Variants in TASP1 observed in about 807,000 individuals in gnomAD.
TASP1 encodes the protein threonine aspartase 1.
In TASP1, 16 loss-of-function variants were observed where a neutral mutation model predicts 56.6. The ratio of observed to expected loss-of-function variants is 0.28; its 90% CI spans 0.19 to 0.43. TASP1 has a LOEUF of 0.43. TASP1 is among the 20% of genes least tolerant of loss of function. The pLI is 1.00. For missense variants in TASP1, 393 were observed against 511.6 expected (o/e 0.77, Z 2.24); for synonymous variants, 179 against 184.2 (o/e 0.97, Z 0.23).
At chr20:13,393,698 C>A (rs757813559) in intron 13 of TASP1, 6 of 1,162,942 alleles carry the variant, frequency 5.2e-6, no homozygotes, top group Admixed American at 3.7e-5. Context: ...CCAGCCCCAG[C>A]GACAGCATGA....
the TASP1 span, chr20:13,126,751 C>T: frequency 6.2e-7 from 1 of 1,611,486 alleles, no homozygotes; most frequent in Non-Finnish European, 8.5e-7. Context: ...AGCTCCTGGA[C>T]CTCTCTGTCT....
At chr20:13,567,537 T>C (rs1228550680) in intron 7 of TASP1, among the ~76,000 whole-genome samples, 1 of 152,032 alleles carries the variant, frequency 6.6e-6, no homozygotes, top group African/African-American at 2.4e-5. Context: ...CCAGACTTAA[T>C]GTGCAAAATG....
chr20:13,164,934 A>T, the TASP1 span: 1 of 1,309,974 alleles, frequency 7.6e-7, no homozygotes. Flanking sequence ...CTCACAAGGA[A>T]TATAAATGGA....
intron 10 of TASP1, among the ~76,000 whole-genome samples, chr20:13,527,815 A>G (rs1466315634): frequency 6.6e-6 from 1 of 152,188 alleles, no homozygotes; most frequent in African/African-American, 2.4e-5. Context: ...TTTTGAAATT[A>G]ACTGCTACTT....
At chr20:13,280,971 A>T in the TASP1 span, among the ~76,000 whole-genome samples, 1 of 152,192 alleles carries the variant, frequency 6.6e-6, no homozygotes, top group African/African-American at 2.4e-5. Context: ...GAAGGGGATG[A>T]CTTGTCTTAC....
the TASP1 span, among the ~76,000 whole-genome samples, chr20:13,376,748 T>C: frequency 6.6e-6 from 1 of 152,240 alleles, no homozygotes; most frequent in African/African-American, 2.4e-5. Flanking sequence ...TCCTCTCTTA[T>C]TTCCTTGAGC....
At chr20:13,153,865 A>G in the TASP1 span, 1 of 1,104,034 alleles carries the variant, frequency 9.1e-7, no homozygotes, top group Non-Finnish European at 1.3e-6. Flanking sequence ...CCCAGGAGAT[A>G]TCTCCCTTCC....
At chr20:13,178,237 C>CA in the TASP1 span, among the ~76,000 whole-genome samples, 5 of 151,774 alleles carry the variant, frequency 3.3e-5, no homozygotes, top group South Asian at 2.1e-4. Context: ...TGACTGTTAT[C>CA]AAAAAAACAG....
chr20:13,444,334 C>T (rs192228997), intron 11 of TASP1, among the ~76,000 whole-genome samples: 24 of 152,262 alleles, frequency 1.6e-4, no homozygotes, highest in African/African-American at 4.3e-4. Flanking sequence ...AATTTCTGTC[C>T]TTTCAATGAA....
chr20:13,501,816 G>A (rs2043957933), intron 10 of TASP1, among the ~76,000 whole-genome samples: 1 of 151,852 alleles, frequency 6.6e-6, no homozygotes, highest in Non-Finnish European at 1.5e-5. Flanking sequence ...TAGGCTAAAA[G>A]TAAAACAGAT....
At chr20:13,245,361 TA>T in the TASP1 span, 1 of 152,310 alleles carries the variant, frequency 6.6e-6, no homozygotes, top group African/African-American at 2.4e-5. Flanking sequence ...TCAGAGCAGG[TA>T]AGTGAATAAA....
the TASP1 span, among the ~76,000 whole-genome samples, chr20:13,340,944 T>G: frequency 6.6e-6 from 1 of 152,242 alleles, no homozygotes; most frequent in Admixed American, 6.5e-5. Flanking sequence ...GCCCAGGAAG[T>G]AGCTGGGGCT....
chr20:13,328,341 C>A, the TASP1 span, among the ~76,000 whole-genome samples: 7,096 of 152,104 alleles, frequency 0.047, 408 homozygotes, highest in African/African-American at 0.13. Flanking sequence ...AAAAAGGAAC[C>A]CTGTTACATT....
At chr20:13,279,821 T>G in the TASP1 span, 3 of 1,613,900 alleles carry the variant, frequency 1.9e-6, no homozygotes, top group Non-Finnish European at 2.5e-6. Context: ...GACAGCAACT[T>G]CCTCAACCCC....
At chr20:13,121,888 T>A in the TASP1 span, among the ~76,000 whole-genome samples, 1 of 152,216 alleles carries the variant, frequency 6.6e-6, no homozygotes, top group East Asian at 1.9e-4. Flanking sequence ...ATGAGGTATT[T>A]ATTCAAACTA....
intron 10 of TASP1, among the ~76,000 whole-genome samples, chr20:13,516,943 G>C (rs1401436063): frequency 6.6e-6 from 1 of 151,988 alleles, no homozygotes; most frequent in Non-Finnish European, 1.5e-5. Flanking sequence ...GATGGGTAGT[G>C]TTAAGATTAA....
chr20:13,339,594 G>A, the TASP1 span, among the ~76,000 whole-genome samples: 2 of 152,174 alleles, frequency 1.3e-5, no homozygotes, highest in African/African-American at 4.8e-5. Context: ...ACATGTCTGG[G>A]GGCTTTGTTC....
the TASP1 span, among the ~76,000 whole-genome samples, chr20:13,225,721 T>C: frequency 1.3e-5 from 2 of 152,198 alleles, no homozygotes; most frequent in Non-Finnish European, 2.9e-5. Flanking sequence ...ATGAGAAAAC[T>C]ATCTGCAGTA....
intron 8 of TASP1, among the ~76,000 whole-genome samples, chr20:13,555,009 GCATTTTACC>G (rs1220365468): frequency 6.6e-6 from 1 of 152,134 alleles, no homozygotes; most frequent in African/African-American, 2.4e-5. Context: ...TTACTTGACA[GCATTTTACC>G]CACAGAACTT....
Sources: gnomAD v4.1 joint callset for allele counts (sites outside exome capture counted in the v4.1 genomes callset) on GRCh38, gnomAD v4.1.1 for gene constraint, MANE v1.5 for transcripts, NCBI Gene and HGNC (gene_info 2026-07-23, HGNC 2026-07-21) for gene names.